GRID2: variants seen among roughly 807,000 people sequenced by gnomAD.
GRID2 encodes the protein glutamate ionotropic receptor delta type subunit 2, also known as glutamate receptor ionotropic, delta-2.
Under a neutral mutation model 114.8 loss-of-function variants are expected in GRID2, and 33 were observed. That is an observed-to-expected ratio of 0.29 (90% CI 0.22 to 0.38). GRID2 has a LOEUF of 0.38. Among genes scored for constraint, GRID2 ranks in the 10% least tolerant of loss-of-function variants. GRID2 has a pLI of 1.00. For synonymous variants in GRID2, 505 were observed against 449.9 expected, an observed-to-expected ratio of 1.12 and a Z score of -1.55; for missense variants, 1,184 against 1,257.7, an observed-to-expected ratio of 0.94 and a Z score of 0.89.
chr4:93,703,948 A>T (rs1727758407), intron 14 of GRID2, among the ~76,000 whole-genome samples: 1 of 152,096 alleles, frequency 6.6e-6, no homozygotes, highest in South Asian at 2.1e-4. Flanking sequence ...TAGTGCCGTG[A>T]TAAACATACG....
chr4:92,741,844 A>C (rs1560566261), intron 2 of GRID2, among the ~76,000 whole-genome samples: 1 of 152,198 alleles, frequency 6.6e-6, no homozygotes, highest in Non-Finnish European at 1.5e-5. Flanking sequence ...GTCTTAAGTA[A>C]CTTATTTTTC....
chr4:93,133,566 GA>G (rs893293705), intron 4 of GRID2, among the ~76,000 whole-genome samples: 3 of 151,836 alleles, frequency 2.0e-5, no homozygotes, highest in Non-Finnish European at 2.9e-5. Context: ...TGCACTTTGG[GA>G]AAAAATTACT....
intron 2 of GRID2, among the ~76,000 whole-genome samples, chr4:92,674,098 T>C (rs1733208465): frequency 6.6e-6 from 1 of 152,198 alleles, no homozygotes; most frequent in East Asian, 1.9e-4. Context: ...TTGTGTTGAA[T>C]TGAGTGCTTT....
chr4:93,030,826 CAG>C (rs1017415018), intron 2 of GRID2, among the ~76,000 whole-genome samples: 3 of 150,104 alleles, frequency 2.0e-5, no homozygotes, highest in Admixed American at 1.3e-4. Context: ...GGGGATGAGA[CAG>C]AGAGAGAGGA....
At chr4:93,234,937 A>T (rs184222552) in intron 7 of GRID2, among the ~76,000 whole-genome samples, 1 of 152,200 alleles carries the variant, frequency 6.6e-6, no homozygotes, top group East Asian at 1.9e-4. Context: ...TATGATAAAT[A>T]TTTGATGTCC....
chr4:93,022,683 A>C (rs1723493802), intron 2 of GRID2, among the ~76,000 whole-genome samples: 2 of 151,964 alleles, frequency 1.3e-5, no homozygotes. Flanking sequence ...TTAAAATTTT[A>C]ATTTGTATTA....
At chr4:92,328,121 A>C (rs752348961) in intron 1 of GRID2, among the ~76,000 whole-genome samples, 2 of 152,070 alleles carry the variant, frequency 1.3e-5, no homozygotes, top group Non-Finnish European at 2.9e-5. Context: ...TAATAGCAAA[A>C]ACAAATAATA....
intron 2 of GRID2, among the ~76,000 whole-genome samples, chr4:93,058,661 C>G (rs912238368): frequency 1.3e-5 from 2 of 151,884 alleles, no homozygotes; most frequent in Non-Finnish European, 2.9e-5. Flanking sequence ...TCCAAACTCT[C>G]AATTTTTAAG....
chr4:93,423,491 C>T (rs1047317896), intron 10 of GRID2, among the ~76,000 whole-genome samples: 8 of 151,124 alleles, frequency 5.3e-5, no homozygotes, highest in Non-Finnish European at 8.9e-5. Flanking sequence ...GGACTACAGG[C>T]GCCCGCCCCC....
chr4:93,025,440 A>G (rs1723791839), intron 2 of GRID2, among the ~76,000 whole-genome samples: 1 of 151,740 alleles, frequency 6.6e-6, no homozygotes, highest in African/African-American at 2.4e-5. Context: ...TCCTCAACCT[A>G]TGATGTGTAG....
At chr4:93,470,836 G>C (rs558854005) in intron 11 of GRID2, among the ~76,000 whole-genome samples, 26 of 152,028 alleles carry the variant, frequency 1.7e-4, no homozygotes, top group African/African-American at 5.8e-4. Context: ...TAAATTTTAA[G>C]TATTAGCTAA....
intron 2 of GRID2, among the ~76,000 whole-genome samples, chr4:93,082,338 T>C (rs948944503): frequency 2.0e-5 from 3 of 152,204 alleles, no homozygotes; most frequent in Non-Finnish European, 4.4e-5. Flanking sequence ...GACTCCATTG[T>C]TTGCTTGTTG....
intron 2 of GRID2, among the ~76,000 whole-genome samples, chr4:92,716,383 G>A (rs1048278238): frequency 1.3e-5 from 2 of 152,150 alleles, no homozygotes; most frequent in South Asian, 4.1e-4. Context: ...GTGCATTAAT[G>A]CAAAGCTGTC....
chr4:92,816,631 C>T (rs940900746), intron 2 of GRID2, among the ~76,000 whole-genome samples: 2 of 152,096 alleles, frequency 1.3e-5, no homozygotes, highest in South Asian at 2.1e-4. Flanking sequence ...AGAAATGATG[C>T]GTAAATATTT....
chr4:93,473,469 G>A (rs895616876), intron 11 of GRID2, among the ~76,000 whole-genome samples: 1 of 152,018 alleles, frequency 6.6e-6, no homozygotes, highest in African/African-American at 2.4e-5. Context: ...TTACATTACT[G>A]TGTCCCACTA....
intron 2 of GRID2, among the ~76,000 whole-genome samples, chr4:93,025,946 T>C (rs887629334): frequency 5.3e-5 from 8 of 151,762 alleles, no homozygotes; most frequent in Admixed American, 4.6e-4. Context: ...TATTAATATC[T>C]AGACATCAAT....
chr4:93,235,702 C>T (rs11933263), intron 7 of GRID2, among the ~76,000 whole-genome samples: 14,318 of 152,002 alleles, frequency 0.094, 802 homozygotes, highest in East Asian at 0.25. Context: ...GAAGATAAAT[C>T]ACAAAGTCAT....
At chr4:93,334,502 A>G (rs540871364) in intron 8 of GRID2, among the ~76,000 whole-genome samples, 2 of 152,336 alleles carry the variant, frequency 1.3e-5, no homozygotes, top group Non-Finnish European at 2.9e-5. Flanking sequence ...ATGATGTGTT[A>G]TTAGTTCTGT....
chr4:93,685,442 C>T (rs1340079047), intron 14 of GRID2, among the ~76,000 whole-genome samples: 1 of 151,964 alleles, frequency 6.6e-6, no homozygotes, highest in Admixed American at 6.6e-5. Context: ...TTGAATTTCC[C>T]CAAAGTAGAT....
Sources: allele counts gnomAD v4.1 joint callset (sites outside exome capture counted in the v4.1 genomes callset), GRCh38; gene constraint gnomAD v4.1.1; transcripts MANE v1.5; gene names NCBI Gene and HGNC (gene_info 2026-07-23, HGNC 2026-07-21).